Variants in SEMA4F observed in about 807,000 individuals in gnomAD.
The protein encoded by SEMA4F is ssemaphorin 4F.
In SEMA4F, 51 loss-of-function variants were observed where a neutral mutation model predicts 78.4. The ratio of observed to expected loss-of-function variants is 0.65; its 90% CI spans 0.52 to 0.82. The LOEUF (loss-of-function observed/expected upper bound fraction) is 0.82, where lower values mean the gene tolerates loss of function less well. Among genes scored for constraint, SEMA4F ranks in the 40% least tolerant of loss-of-function variants. The pLI is 0.00. For synonymous variants in SEMA4F, 418 were observed against 408.7 expected (o/e 1.02, Z -0.27); for missense variants, 938 against 1,014.4 (o/e 0.92, Z 1.02).
the SEMA4F span, among the ~76,000 whole-genome samples, chr2:74,694,650 TG>T: frequency 0.034 from 5,214 of 152,324 alleles, 264 homozygotes; most frequent in African/African-American, 0.11. Flanking sequence ...ATTCAGCTTC[TG>T]GCTTATTCTT....
chr2:74,666,907 G>A (rs1684724377), intron 5 of SEMA4F, among the ~76,000 whole-genome samples: 1 of 152,124 alleles, frequency 6.6e-6, no homozygotes, highest in Admixed American at 6.5e-5. Context: ...AGAAAATTGA[G>A]AAAATGTAGA....
rs1684290344 is a variant in SEMA4F at position 74,658,885 on chromosome 2, C to T, written c.456+934C>T. Among the ~76,000 whole-genome samples the T allele has an allele frequency of 6.6e-6, 1 of 152,208 alleles. No homozygotes were observed. Among genetic ancestry groups the T allele is most frequent in the Non-Finnish European group, 1.5e-5 (1 of 68,028 alleles). On this transcript the variant is annotated intron_variant, in intron 4 of 13. Transcript: ENST00000357877. This position sits in a 1 kb window ranked among gnomAD's most constrained non-coding sequence, Gnocchi z 4.3. ...AACTGTAGATCTTGTCTTGACTCTT[C>T]TGCAGTCCTCAGTAATCCCTGCCAC...
rs750483746 is a variant in SEMA4F, at chr2:74,675,050, C to G, written c.1149+15C>G. ...GACCTGGAGAGGTGAGGGGGCAGAT[C>G]TTCATTCTAGGCCTGAAGTCAAGAG... On this transcript the variant is annotated intron_variant, in intron 9 of 13. Coordinates refer to ENST00000357877, the MANE Select transcript of SEMA4F (RefSeq NM_004263.5). 3 of 1,613,804 alleles carry G rather than the reference C, an allele frequency of 1.9e-6. No individual in the cohort carries two copies. In the Admixed American group the frequency reaches 5.0e-5, roughly 27 times the overall value.
In SEMA4F at chr2:74,656,593, C is replaced by CACAGG. The variant is rs1436953254; in HGVS notation, c.205_206insACAGG (p.Leu69HisfsTer115). 2 of 1,614,024 alleles carry CACAGG rather than the reference C, an allele frequency of 1.2e-6. No individual in the cohort carries two copies. The highest frequency in any genetic ancestry group is 2.7e-5 in the African/African-American group (2 of 74,918). ...TCACACATACAATTACTCTGTTCTC[C>CACAGG]TTGTGGATCCTGCCTCCCACACACT... is the stretch of plus-strand genomic sequence containing the variant. On this transcript the variant is annotated frameshift_variant, in exon 2 of 14. Transcript: ENST00000357877. LOFTEE classifies it high-confidence loss of function.
chr2:74,682,234 G>A lies in SEMA4F; in HGVS notation c.*2025G>A, dbSNP rs1685654993. ...GATCGAGACCATTCTGGCTAACACG[G>A]TGAAACCCCGTCTCTACTAAAAATA... On this transcript the variant is annotated 3_prime_UTR_variant, in exon 14 of 14. Transcript: ENST00000357877. 1 of 152,224 alleles carries A rather than the reference G, an allele frequency of 6.6e-6. No individual in the cohort carries two copies. The highest frequency in any genetic ancestry group is 2.4e-5 in the African/African-American group (1 of 41,446). 9.4% of individuals were successfully genotyped at this position (152,224 alleles called of 1,614,324 possible).
chr2:74,654,464 G>T lies in SEMA4F; in HGVS notation c.88G>T (p.Gly30Cys). 1 of 1,573,856 alleles carries T rather than the reference G, an allele frequency of 6.4e-7. No homozygotes were observed. The change falls in exon 1 of 14, where the codon GGC becomes TGC. Residue 30 changes from glycine (G) to cysteine (C), a missense_variant. Coordinates refer to ENST00000357877, the MANE Select transcript of SEMA4F (RefSeq NM_004263.5). Reference protein sequence around the residue: ...FPLLLLAVLSGPVSGRVPRSV... With the variant: ...FPLLLLAVLSCPVSGRVPRSV... ...GCTACTGCTGCTGGCGGTGCTGAGC[G>T]GCCCGGTATCCGGCCGCGTCCCCCG...
downstream of SEMA4F, among the ~76,000 whole-genome samples, chr2:74,686,941 A>G (rs1396134349): frequency 1.3e-5 from 2 of 152,140 alleles, no homozygotes; most frequent in Non-Finnish European, 2.9e-5. Flanking sequence ...TGATGAGTTG[A>G]TGGGTGCAGC....
At chr2:74,705,294 C>T in the SEMA4F span, among the ~76,000 whole-genome samples, 43,211 of 152,018 alleles carry the variant, frequency 0.28, 9,089 homozygotes, top group East Asian at 0.82. Flanking sequence ...AGCAATTCCA[C>T]TCTTAGGAAT....
At chr2:74,695,546 A>G in the SEMA4F span, among the ~76,000 whole-genome samples, 1 of 152,226 alleles carries the variant, frequency 6.6e-6, no homozygotes, top group African/African-American at 2.4e-5. Flanking sequence ...GTAAATCCAA[A>G]TCAATGAATA....
In SEMA4F at chr2:74,679,672, A is replaced by T. The variant is rs1685484870; in HGVS notation, c.1776A>T (p.Ala592=). 1.9e-6 allele frequency: 3 copies of T among 1,613,792 alleles called. No individual in the cohort carries two copies. Among genetic ancestry groups the T allele is most frequent in the South Asian group, 1.1e-5 (1 of 91,080 alleles). The change falls in exon 14 of 14, where the codon GCA becomes GCT. Residue 592 remains alanine (A), a synonymous_variant. Transcript: ENST00000357877. ...HVVLPCSPSS[A]WASCVWHQPS... is the part of the protein sequence containing the mutation. ...TCTTGCCATGTTCTCCAAGCTCAGC[A>T]TGGGCATCCTGTGTGTGGCACCAGC...
At chr2:74,676,510 A>T (rs1175341811) in intron 12 of SEMA4F, among the ~76,000 whole-genome samples, 1 of 152,212 alleles carries the variant, frequency 6.6e-6, no homozygotes, top group African/African-American at 2.4e-5. Flanking sequence ...TTAGCAAGTC[A>T]AAGTATGCAC....
In SEMA4F at chr2:74,674,578, G is replaced by C. The variant is rs149579506; in HGVS notation, c.903G>C (p.Glu301Asp). The change falls in exon 8 of 14, where the codon GAG (glutamate) becomes GAC (aspartate). Residue 301 changes from glutamate to aspartate, a missense_variant. Glu to Asp is a conservative substitution (Grantham distance 45). Transcript: ENST00000357877. ...CTGACCTGCTCTGTCCAGGGCCTGA[G>C]CATGGCCGGGCCTCCAGTGTCCTGC... ...LKADLLCPGP[E>D]HGRASSVLQD... 5 of 1,614,162 alleles carry C rather than the reference G, an allele frequency of 3.1e-6. No individual in the cohort carries two copies. The Admixed American group carries it at 8.3e-5, about 27-fold the overall frequency.
chr2:74,676,452 C>T (rs1472722800), intron 12 of SEMA4F, among the ~76,000 whole-genome samples: 3 of 152,166 alleles, frequency 2.0e-5, no homozygotes, highest in South Asian at 2.1e-4. Flanking sequence ...ACTCCCCATC[C>T]GACTGTCTAC....
intron 1 of SEMA4F, 117 bp from the exon 2 acceptor site, chr2:74,656,417 T>C (rs1332044944): frequency 2.1e-6 from 2 of 948,800 alleles, no homozygotes; most frequent in East Asian, 4.8e-5. Context: ...TTCTCCCCCA[T>C]GGCTGCTTAA....
the SEMA4F span, among the ~76,000 whole-genome samples, chr2:74,707,504 T>TA: frequency 7.3e-4 from 110 of 151,030 alleles, no homozygotes; most frequent in Admixed American, 1.7e-3. Flanking sequence ...TTTTTTTTTT[T>TA]AAAAAGGTTA....
chr2:74,657,820 T>C, intron 3 of SEMA4F, 33 bp from the exon 4 acceptor site: 2 of 1,593,846 alleles, frequency 1.3e-6, no homozygotes, highest in Non-Finnish European at 1.7e-6. Context: ...TACCTGCTGC[T>C]TCTGATTCTT....
rs371693139 is a variant in SEMA4F at position 74,663,136 on chromosome 2, A to G, written c.550+311A>G. On this transcript the variant is annotated intron_variant, in intron 5 of 13. Coordinates refer to ENST00000357877, the MANE Select transcript of SEMA4F (RefSeq NM_004263.5). Reference sequence around the variant, plus strand: ...ATAAGTGGAATATACTACAATGCATATTGTAATAAATTTGGAAAAAGTATA... The same window carrying G: ...ATAAGTGGAATATACTACAATGCATGTTGTAATAAATTTGGAAAAAGTATA... Among the ~76,000 whole-genome samples the G allele has an allele frequency of 1.9e-4, 29 of 152,336 alleles. No homozygotes were observed. The East Asian group carries it at 4.0e-3, about 21-fold the overall frequency.
At chr2:74,676,727 C>T (rs1479184169) in intron 12 of SEMA4F, among the ~76,000 whole-genome samples, 1 of 152,226 alleles carries the variant, frequency 6.6e-6, no homozygotes, top group African/African-American at 2.4e-5. Flanking sequence ...CGCTTCTTAA[C>T]TGGACTACTC....
chr2:74,704,424 CT>C, the SEMA4F span, among the ~76,000 whole-genome samples: 2 of 150,956 alleles, frequency 1.3e-5, no homozygotes, highest in Non-Finnish European at 2.9e-5. Context: ...ACTGGGATCC[CT>C]TCTTACCAGC....
Sources: gnomAD v4.1 joint callset for allele counts (sites outside exome capture counted in the v4.1 genomes callset) on GRCh38, gnomAD v4.1.1 for gene constraint, Gnocchi (gnomAD v3.1) non-coding constraint, MANE v1.5 for transcripts, NCBI Gene and HGNC (gene_info 2026-07-23, HGNC 2026-07-21) for gene names.